Variants in GOSR2 observed in about 807,000 individuals in gnomAD.
GOSR2 encodes golgi SNAP receptor complex member 2.
In GOSR2, 20 loss-of-function variants were observed where a neutral mutation model predicts 27.9. The observed-to-expected ratio is 0.72, with a 90% CI of 0.50 to 1.04. The LOEUF (loss-of-function observed/expected upper bound fraction) is 1.04. Ranked by LOEUF, GOSR2 falls within the 50% of genes least tolerant of loss-of-function variation. The pLI, the probability that GOSR2 is intolerant of heterozygous loss-of-function variation, is 0.00. For synonymous variants in GOSR2, 91 were observed against 98.8 expected (o/e 0.92, Z 0.47); for missense variants, 261 against 270.5 (o/e 0.97, Z 0.25).
In GOSR2 at chr17:46,940,859, A is replaced by AT; in HGVS notation, c.*2101dup. 1 of 1,432,296 alleles carries AT rather than the reference A, an allele frequency of 7.0e-7. No individual in the cohort carries two copies. The highest frequency in any genetic ancestry group is 9.1e-7 in the Non-Finnish European group (1 of 1,095,362). The allele number at this position is 1,432,296 out of a possible 1,614,324, so 88.7% of individuals were successfully genotyped here. ...CCAGTGTGTCTGGACACCCAGGGGC[A>AT]TTGAGACTGCATGTTGTCACATGAC... On this transcript the variant is annotated 3_prime_UTR_variant, in exon 6 of 6. Coordinates refer to ENST00000640051, the MANE Select transcript of GOSR2 (RefSeq NM_004287.5).
chr17:46,926,348 GATGCA>G (rs201509780), intron 1 of GOSR2, among the ~76,000 whole-genome samples: 2,418 of 152,224 alleles, frequency 0.016, 63 homozygotes, highest in African/African-American at 0.056. Context: ...AGGCAGCCTG[GATGCA>G]AAGTGGATGT....
chr17:46,924,522 T>G (rs1420112876), intron 1 of GOSR2: 1 of 152,242 alleles, frequency 6.6e-6, no homozygotes, highest in Non-Finnish European at 1.5e-5. Context: ...TTTTGTTGAT[T>G]AAAACACTTA....
At chr17:46,931,489 C>T in intron 3 of GOSR2, 2 of 482,774 alleles carry the variant, frequency 4.1e-6, no homozygotes, top group South Asian at 2.5e-5. Flanking sequence ...AGATCCATAG[C>T]CACCTGAAGC....
chr17:46,944,610 CTT>C (rs55760473), downstream of GOSR2, among the ~76,000 whole-genome samples: 852 of 144,168 alleles, frequency 5.9e-3, 6 homozygotes, highest in Non-Finnish European at 7.6e-3. Context: ...TTTTAATTTT[CTT>C]TTTTTTTTTT....
At chr17:46,961,720 T>C in intron 6 of GOSR2, among the ~76,000 whole-genome samples, 1 of 152,088 alleles carries the variant, frequency 6.6e-6, no homozygotes. Flanking sequence ...CATAGAAAAT[T>C]TGCAAGCAAT....
chr17:46,928,670 A>G (rs1224529646), intron 1 of GOSR2, among the ~76,000 whole-genome samples: 2 of 152,122 alleles, frequency 1.3e-5, no homozygotes, highest in African/African-American at 4.8e-5. Context: ...TGTTTACCAA[A>G]CAGAAGGTCC....
At chr17:46,944,276 C>T (rs1265179313), downstream of GOSR2, among the ~76,000 whole-genome samples, 1 of 152,256 alleles carries the variant, frequency 6.6e-6, no homozygotes, top group Non-Finnish European at 1.5e-5. Context: ...GTTACAGCGG[C>T]CGGAGGCTGT....
chr17:46,946,513 A>C (rs1399078950), downstream of GOSR2, among the ~76,000 whole-genome samples: 1 of 152,110 alleles, frequency 6.6e-6, no homozygotes, highest in East Asian at 1.9e-4. Flanking sequence ...TTGTGGAAAA[A>C]AAAAAAAGAA....
At chr17:46,954,334 T>A (rs1236220023) in intron 6 of GOSR2, among the ~76,000 whole-genome samples, 1 of 152,226 alleles carries the variant, frequency 6.6e-6, no homozygotes. Flanking sequence ...TTGTCAAAGA[T>A]CAGATAGTAG....
Position 46,932,085 on chromosome 17 carries a change from G to A in GOSR2, c.222G>A (p.Lys74=). Reference sequence around the variant, plus strand: ...ATTCCAGTCGGGTTGACCAGTTAAAGTATGATGTCCAGCACCTGCAGACTG... The same window carrying A: ...ATTCCAGTCGGGTTGACCAGTTAAAATATGATGTCCAGCACCTGCAGACTG... The part of the protein sequence containing the change: ...QNARLRVDQL[K]YDVQHLQTAL... The change falls in exon 4 of 6, where the codon AAG becomes AAA. Residue 74 remains lysine (K), a synonymous_variant. Coordinates refer to ENST00000640051, the MANE Select transcript of GOSR2 (RefSeq NM_004287.5). 1 of 1,613,822 alleles carries A rather than the reference G, an allele frequency of 6.2e-7. No individual in the cohort carries two copies. Among genetic ancestry groups the A allele is most frequent in the Non-Finnish European group, 8.5e-7 (1 of 1,179,706 alleles).
intron 5 of GOSR2, chr17:46,935,532 C>T (rs2075828840): frequency 7.9e-7 from 1 of 1,258,948 alleles, no homozygotes; most frequent in Admixed American, 3.8e-5. Context: ...TCCTTTGGTA[C>T]CTCGCTTTAA....
At chr17:46,946,868 T>A (rs558544186), downstream of GOSR2, among the ~76,000 whole-genome samples, 58 of 152,124 alleles carry the variant, frequency 3.8e-4, no homozygotes, top group Admixed American at 7.2e-4. Context: ...GTTTCAATTT[T>A]AAAAAAACAA....
chr17:46,940,748 C>T lies in GOSR2; in HGVS notation c.*1988C>T, dbSNP rs960134992. The T allele has an allele frequency of 3.2e-6, 5 of 1,569,050 alleles. No homozygotes were observed. The highest frequency in any genetic ancestry group is 4.3e-6 in the Non-Finnish European group (5 of 1,161,826). On this transcript the variant is annotated 3_prime_UTR_variant, in exon 6 of 6. Coordinates refer to ENST00000640051, the MANE Select transcript of GOSR2 (RefSeq NM_004287.5). ...TTGGCTTTGATGAACCCTCATGCTGCACCTTCAGAGCCAGTCCTCTAGTTT... is the reference window on the plus strand; with the variant it reads ...TTGGCTTTGATGAACCCTCATGCTGTACCTTCAGAGCCAGTCCTCTAGTTT...
intron 1 of GOSR2, among the ~76,000 whole-genome samples, chr17:46,925,052 C>T (rs1225254145): frequency 6.6e-6 from 1 of 152,136 alleles, no homozygotes; most frequent in Non-Finnish European, 1.5e-5. Context: ...AATGGTACCC[C>T]AAACAAGGTG....
downstream of GOSR2, among the ~76,000 whole-genome samples, chr17:46,971,073 C>T (rs564494586): frequency 2.6e-5 from 4 of 152,088 alleles, no homozygotes; most frequent in Middle Eastern, 3.4e-3. Context: ...AAACATAGGC[C>T]GGTGCGGTGG....
rs948448117 is a variant in GOSR2 at position 46,939,481 on chromosome 17, A to G, written c.*721A>G. On this transcript the variant is annotated 3_prime_UTR_variant, in exon 6 of 6. Coordinates refer to ENST00000640051, the MANE Select transcript of GOSR2 (RefSeq NM_004287.5). ...AGTCACTGATTTTTTCTAGTTGTTA[A>G]TAGAGTGGTTGGCTTTTAAGGTTCA... 92 of 986,580 alleles carry G rather than the reference A, an allele frequency of 9.3e-5. No homozygotes were observed. The highest frequency in any genetic ancestry group is 1.1e-4 in the Non-Finnish European group (89 of 830,826). The allele number at this position is 986,580 out of a possible 1,614,324, so 61.1% of individuals were successfully genotyped here. A position where few individuals can be genotyped will look rare whatever the true frequency, so the allele number is the denominator to read the frequency against.
chr17:46,963,278 C>T (rs1183872511), intron 6 of GOSR2, among the ~76,000 whole-genome samples: 1 of 152,196 alleles, frequency 6.6e-6, no homozygotes, highest in Non-Finnish European at 1.5e-5. Flanking sequence ...GGTGCAGTGG[C>T]TCACGCCTAT....
chr17:46,926,602 C>T (rs2086537409), intron 1 of GOSR2, among the ~76,000 whole-genome samples: 1 of 152,214 alleles, frequency 6.6e-6, no homozygotes, highest in Non-Finnish European at 1.5e-5. Flanking sequence ...GCTTGTGTAT[C>T]ACCTGTTTCT....
At chr17:46,963,075 ACT>A (rs2091156192) in intron 6 of GOSR2, among the ~76,000 whole-genome samples, 1 of 152,230 alleles carries the variant, frequency 6.6e-6, no homozygotes, top group Non-Finnish European at 1.5e-5. Context: ...GGGACTTCAC[ACT>A]CTCAACCACT....
Sources: gnomAD v4.1 joint callset for allele counts (sites outside exome capture counted in the v4.1 genomes callset) on GRCh38, gnomAD v4.1.1 for gene constraint, MANE v1.5 for transcripts, NCBI Gene and HGNC (gene_info 2026-07-23, HGNC 2026-07-21) for gene names.